Variants in SEMA6D observed in about 807,000 individuals in gnomAD.
SEMA6D encodes semaphorin 6D, also known as semaphorin-6D.
A neutral mutation model predicts 106.6 loss-of-function variants in SEMA6D; 35 were observed. The ratio of observed to expected loss-of-function variants is 0.33; its 90% CI spans 0.25 to 0.44. The LOEUF is 0.44. Ranked by LOEUF, SEMA6D falls within the 20% of genes least tolerant of loss-of-function variation. SEMA6D has a pLI of 1.00. For synonymous variants in SEMA6D, 499 were observed against 487.7 expected, an observed-to-expected ratio of 1.02 and a Z score of -0.31; for missense variants, 1,185 against 1,345.9, an observed-to-expected ratio of 0.88 and a Z score of 1.87.
intron 3 of SEMA6D, among the ~76,000 whole-genome samples, chr15:47,545,191 C>G (rs192086031): frequency 6.6e-6 from 1 of 152,000 alleles, no homozygotes; most frequent in East Asian, 1.9e-4. Flanking sequence ...TCTGAAGGGA[C>G]CCAGGGTGAA....
intron 1 of SEMA6D, among the ~76,000 whole-genome samples, chr15:47,284,097 C>T (rs184567195): frequency 1.8e-4 from 27 of 152,242 alleles, no homozygotes; most frequent in Admixed American, 7.9e-4. Context: ...GTCTCCCTTA[C>T]GCACAACACA....
At chr15:47,314,597 C>CAAAAAAAAAAAAAAAAAAAA (rs764929520) in intron 1 of SEMA6D, among the ~76,000 whole-genome samples, 2 of 24,302 alleles carry the variant, frequency 8.2e-5, no homozygotes, top group Non-Finnish European at 1.1e-4. Flanking sequence ...GACTCCATCT[C>CAAAAAAAAAAAAAAAAAAAA]AAAAAAAAAA....
intron 3 of SEMA6D, among the ~76,000 whole-genome samples, chr15:47,512,647 C>T (rs140539373): frequency 6.2e-4 from 94 of 152,256 alleles, no homozygotes; most frequent in Admixed American, 1.4e-3. Context: ...GAATCCTGGA[C>T]AGGTTACCAA....
At chr15:47,424,414 C>G (rs1332943790) in intron 2 of SEMA6D, among the ~76,000 whole-genome samples, 1 of 151,840 alleles carries the variant, frequency 6.6e-6, no homozygotes, top group Non-Finnish European at 1.5e-5. Context: ...TTCTATAGAT[C>G]AGTTATGATG....
rs1379222889 is a variant in SEMA6D at position 47,557,340 on chromosome 15, C to A, written c.-86-43525C>A. ...CAGTTAGCTACCTACACTTGGAGAA[C>A]CTACGGTTGTGATTTTACTATGTAT... On this transcript the variant is annotated intron_variant, in intron 3 of 19. Transcript: ENST00000558014. 3.9e-5 allele frequency among the ~76,000 whole-genome samples: 6 copies of A among 152,174 alleles called. No individual in the cohort carries two copies. In the East Asian group the frequency reaches 1.2e-3, roughly 29 times the overall value.
chr15:47,544,061 C>T (rs1023106560), intron 3 of SEMA6D, among the ~76,000 whole-genome samples: 11 of 151,892 alleles, frequency 7.2e-5, no homozygotes, highest in Admixed American at 1.3e-4. Flanking sequence ...ATTTTGACCA[C>T]GAAAATAAAC....
intron 1 of SEMA6D, among the ~76,000 whole-genome samples, chr15:47,282,090 C>T (rs2035150547): frequency 6.6e-6 from 1 of 152,064 alleles, no homozygotes; most frequent in South Asian, 2.1e-4. Context: ...TGCTTAGTAT[C>T]CTACTCTCTA....
intron 4 of SEMA6D, among the ~76,000 whole-genome samples, chr15:47,655,023 A>G (rs1323501825): frequency 2.0e-5 from 3 of 152,210 alleles, no homozygotes; most frequent in Non-Finnish European, 4.4e-5. Context: ...GGTTTGTCTA[A>G]CTGTCTCATG....
chr15:47,211,090 AAC>A (rs2029961386), intron 1 of SEMA6D, among the ~76,000 whole-genome samples: 1 of 152,176 alleles, frequency 6.6e-6, no homozygotes, highest in African/African-American at 2.4e-5. Context: ...AACTGCTACT[AAC>A]AGTTTTGTGT....
At chr15:47,477,200 T>TA (rs1240590993) in intron 3 of SEMA6D, among the ~76,000 whole-genome samples, 1 of 152,198 alleles carries the variant, frequency 6.6e-6, no homozygotes, top group Admixed American at 6.5e-5. Context: ...TGAGTGTTTT[T>TA]AAATACCACA....
At chr15:47,327,550 A>G (rs1382341396) in intron 1 of SEMA6D, among the ~76,000 whole-genome samples, 2 of 152,214 alleles carry the variant, frequency 1.3e-5, no homozygotes, top group African/African-American at 2.4e-5. Context: ...TGTATTTACC[A>G]TACAAGCCTT....
intron 3 of SEMA6D, among the ~76,000 whole-genome samples, chr15:47,550,822 C>T (rs1386332274): frequency 6.6e-6 from 1 of 152,144 alleles, no homozygotes; most frequent in Non-Finnish European, 1.5e-5. Context: ...GTCCTGTAAA[C>T]CTCAAGGAGC....
intron 1 of SEMA6D, among the ~76,000 whole-genome samples, chr15:47,261,703 T>G: frequency 6.6e-6 from 1 of 152,268 alleles, no homozygotes; most frequent in East Asian, 1.9e-4. Context: ...TCTAAGAAAC[T>G]AATGAATTCC....
intron 3 of SEMA6D, among the ~76,000 whole-genome samples, chr15:47,529,931 C>G (rs1391868616): frequency 6.6e-6 from 1 of 152,194 alleles, no homozygotes; most frequent in East Asian, 1.9e-4. Flanking sequence ...TGTTCATGTT[C>G]ATGTTCATTC....
chr15:47,295,869 C>A (rs1435519114), intron 1 of SEMA6D, among the ~76,000 whole-genome samples: 1 of 152,166 alleles, frequency 6.6e-6, no homozygotes, highest in Non-Finnish European at 1.5e-5. Flanking sequence ...CTTTCAAACT[C>A]ACCTGTCACA....
At chr15:47,295,687 A>T (rs746292248) in intron 1 of SEMA6D, among the ~76,000 whole-genome samples, 9 of 152,238 alleles carry the variant, frequency 5.9e-5, no homozygotes, top group Admixed American at 3.3e-4. Context: ...GAAAACTTCA[A>T]TGTTAGAATT....
intron 4 of SEMA6D, among the ~76,000 whole-genome samples, chr15:47,679,419 A>G (rs557949437): frequency 1.3e-5 from 2 of 152,322 alleles, no homozygotes; most frequent in Admixed American, 6.5e-5. Flanking sequence ...GAAATAAAAA[A>G]AAGTACTTCT....
At chr15:47,599,522 T>C (rs2076602942) in intron 3 of SEMA6D, among the ~76,000 whole-genome samples, 2 of 151,666 alleles carry the variant, frequency 1.3e-5, no homozygotes, top group South Asian at 2.1e-4. Context: ...GTATAAACTA[T>C]CCAGATGGAT....
At chr15:47,279,681 A>G (rs1465970653) in intron 1 of SEMA6D, among the ~76,000 whole-genome samples, 5 of 152,114 alleles carry the variant, frequency 3.3e-5, no homozygotes, top group Non-Finnish European at 7.3e-5. Flanking sequence ...GGTAGCTCTT[A>G]TTATTTTGAG....
Sources: gnomAD v4.1 joint callset for allele counts (sites outside exome capture counted in the v4.1 genomes callset) on GRCh38, gnomAD v4.1.1 for gene constraint, MANE v1.5 for transcripts, NCBI Gene and HGNC (gene_info 2026-07-23, HGNC 2026-07-21) for gene names.